Variants in ZDHHC14 observed in about 807,000 individuals in gnomAD.
ZDHHC14 encodes the protein zDHHC palmitoyltransferase 14.
Under a neutral mutation model 47.7 loss-of-function variants are expected in ZDHHC14, and 16 were observed. The observed-to-expected ratio is 0.34, with a 90% confidence interval of 0.23 to 0.51. The LOEUF is 0.51. Ranked by LOEUF, ZDHHC14 falls within the 20% of genes least tolerant of loss-of-function variation. The pLI, the probability that ZDHHC14 is intolerant of heterozygous loss-of-function variation, is 0.97. For missense variants in ZDHHC14, 515 were observed against 662.5 expected (o/e 0.78, Z 2.44); for synonymous variants, 293 against 278.9 (o/e 1.05, Z -0.50).
chr6:157,382,679 C>G (rs1777238459), intron 1 of ZDHHC14, among the ~76,000 whole-genome samples: 1 of 152,206 alleles, frequency 6.6e-6, no homozygotes, highest in Non-Finnish European at 1.5e-5. Context: ...ATGGAACTGA[C>G]TTTTTCCCCC....
chr6:157,545,240 G>GC (rs1472882527), intron 2 of ZDHHC14, among the ~76,000 whole-genome samples: 1 of 123,596 alleles, frequency 8.1e-6, no homozygotes, highest in African/African-American at 3.0e-5. Flanking sequence ...GAGGGAGCTT[G>GC]TTGGGATTAT....
chr6:157,612,475 G>C (rs933096368), intron 3 of ZDHHC14, among the ~76,000 whole-genome samples: 3 of 152,220 alleles, frequency 2.0e-5, no homozygotes, highest in African/African-American at 7.2e-5. Flanking sequence ...GTTCCTCTCT[G>C]TTAATTCCTG....
At chr6:157,393,398 G>C (rs1583606774) in intron 1 of ZDHHC14, among the ~76,000 whole-genome samples, 1 of 152,210 alleles carries the variant, frequency 6.6e-6, no homozygotes. Context: ...CGGAGGAATG[G>C]CGATCTAACC....
At chr6:157,467,642 C>T (rs181675016) in intron 1 of ZDHHC14, among the ~76,000 whole-genome samples, 41 of 151,770 alleles carry the variant, frequency 2.7e-4, no homozygotes, top group Non-Finnish European at 2.5e-4. Context: ...CTCCATCTCC[C>T]GGGTTCAAGC....
chr6:157,532,702 GT>G (rs1477984807), intron 1 of ZDHHC14, among the ~76,000 whole-genome samples: 7 of 152,170 alleles, frequency 4.6e-5, no homozygotes, highest in South Asian at 2.1e-4. Flanking sequence ...GATAACCTGG[GT>G]TTTGCCTTCT....
intron 1 of ZDHHC14, among the ~76,000 whole-genome samples, chr6:157,442,618 C>G (rs1464826708): frequency 1.3e-5 from 2 of 152,168 alleles, no homozygotes; most frequent in African/African-American, 4.8e-5. Context: ...TGCAGTCCAT[C>G]AGTGTTTTGC....
At chr6:157,387,521 A>G (rs1319489112) in intron 1 of ZDHHC14, among the ~76,000 whole-genome samples, 1 of 152,188 alleles carries the variant, frequency 6.6e-6, no homozygotes, top group Non-Finnish European at 1.5e-5. Flanking sequence ...TGTGCCTCAT[A>G]GAACACCATG....
At chr6:157,471,210 G>A (rs917859068) in intron 1 of ZDHHC14, among the ~76,000 whole-genome samples, 29 of 152,332 alleles carry the variant, frequency 1.9e-4, no homozygotes, top group African/African-American at 6.7e-4. Context: ...GGACTGGCGC[G>A]GGGTCCAGGA....
intron 1 of ZDHHC14, among the ~76,000 whole-genome samples, chr6:157,529,543 C>A (rs927665433): frequency 6.6e-6 from 1 of 152,176 alleles, no homozygotes; most frequent in African/African-American, 2.4e-5. Flanking sequence ...ATGTTCTTGA[C>A]CTTCAGTCAC....
intron 5 of ZDHHC14, among the ~76,000 whole-genome samples, chr6:157,640,026 C>G (rs1777172249): frequency 6.6e-6 from 1 of 152,162 alleles, no homozygotes; most frequent in South Asian, 2.1e-4. Flanking sequence ...TGTCAGGTGC[C>G]TGTCCGGGAA....
At chr6:157,488,002 G>A (rs1779824401) in intron 1 of ZDHHC14, among the ~76,000 whole-genome samples, 1 of 152,082 alleles carries the variant, frequency 6.6e-6, no homozygotes, top group South Asian at 2.1e-4. Context: ...TGATGGCTGT[G>A]GACTCTTTCT....
rs3056793 is a variant in ZDHHC14, at chr6:157,558,783, T to TA, written c.406+16050dup. Among the ~76,000 whole-genome samples, 533 of 144,120 alleles carry TA rather than the reference T, an allele frequency of 3.7e-3. 3 individuals are homozygous for TA. The highest frequency in any genetic ancestry group is 0.014 in the Middle Eastern group (4 of 282). 94.5% of individuals were successfully genotyped at this position (144,120 alleles called of 152,430 possible). Reference sequence around the variant, plus strand: ...AAAATCACCAAGTGAACTTTGGTGGTAAAAAAAAAAAAGCAAACAAACAAT... The same window carrying TA: ...AAAATCACCAAGTGAACTTTGGTGGTAAAAAAAAAAAAAGCAAACAAACAAT... On this transcript the variant is annotated intron_variant, in intron 2 of 8. Coordinates refer to ENST00000359775, the MANE Select transcript of ZDHHC14 (RefSeq NM_024630.3).
intron 2 of ZDHHC14, among the ~76,000 whole-genome samples, chr6:157,575,994 C>T (rs765042307): frequency 3.1e-4 from 47 of 152,222 alleles, no homozygotes; most frequent in Non-Finnish European, 5.6e-4. Flanking sequence ...CCATGTTCCT[C>T]GCTCTCTTGC....
At chr6:157,602,676 T>C (rs1784381853) in intron 3 of ZDHHC14, among the ~76,000 whole-genome samples, 1 of 151,952 alleles carries the variant, frequency 6.6e-6, no homozygotes, top group Non-Finnish European at 1.5e-5. Context: ...AGGCAGGGCA[T>C]CCAGCCTGGC....
Position 157,438,067 on chromosome 6 carries a change from A to G in ZDHHC14, c.245+55801A>G, listed in dbSNP as rs571517733. Reference sequence around the variant, plus strand: ...AAAATTTACAATTTTAATCATTTTAACTGTACAGTTCAGTAGCATTTATTA... The same window carrying G: ...AAAATTTACAATTTTAATCATTTTAGCTGTACAGTTCAGTAGCATTTATTA... On this transcript the variant is annotated intron_variant, in intron 1 of 8. Transcript: ENST00000359775. 1.2e-4 allele frequency among the ~76,000 whole-genome samples: 19 copies of G among 152,272 alleles called. 1 individual carries two copies. In the South Asian group the frequency reaches 3.5e-3, roughly 28 times the overall value.
chr6:157,485,883 C>T (rs572548447), intron 1 of ZDHHC14, among the ~76,000 whole-genome samples: 3 of 152,132 alleles, frequency 2.0e-5, no homozygotes, highest in Non-Finnish European at 2.9e-5. Context: ...TGTGGTAGCA[C>T]GTGCCTGTAA....
chr6:157,609,598 G>A (rs1217830753), intron 3 of ZDHHC14, among the ~76,000 whole-genome samples: 1 of 152,238 alleles, frequency 6.6e-6, no homozygotes, highest in Non-Finnish European at 1.5e-5. Context: ...TAAATAAGAA[G>A]TGCCATCATG....
At chr6:157,382,951 T>A (rs2114726744) in intron 1 of ZDHHC14, among the ~76,000 whole-genome samples, 1 of 152,264 alleles carries the variant, frequency 6.6e-6, no homozygotes, top group South Asian at 2.1e-4. Flanking sequence ...TTTGGGAACA[T>A]GTGAAAGGAG....
Position 157,676,037 on chromosome 6 carries a change from C to T in ZDHHC14, c.*2915C>T, listed in dbSNP as rs1006458750. ...TGAAGGCTGAACTGAGCGTGAGTGC[C>T]CTGGTCCCCAGGAAGCAGGCGGATG... On this transcript the variant is annotated 3_prime_UTR_variant, in exon 9 of 9. Transcript: ENST00000359775. The T allele has an allele frequency of 6.6e-6, 1 of 151,442 alleles. No individual in the cohort carries two copies. The highest frequency in any genetic ancestry group is 1.5e-5 in the Non-Finnish European group (1 of 67,886). 9.4% of individuals were successfully genotyped at this position (151,442 alleles called of 1,614,324 possible).
Sources: allele counts gnomAD v4.1 joint callset (sites outside exome capture counted in the v4.1 genomes callset), GRCh38; gene constraint gnomAD v4.1.1; transcripts MANE v1.5; gene names NCBI Gene and HGNC (gene_info 2026-07-23, HGNC 2026-07-21).